Variants in ADCY5 observed in about 807,000 individuals in gnomAD.
ADCY5 encodes adenylate cyclase type 5.
ADCY5 carries 30 observed loss-of-function variants against 119.7 expected under a neutral mutation model. That is an observed-to-expected ratio of 0.25 (90% confidence interval 0.19 to 0.34). The LOEUF is 0.34. Among genes scored for constraint, ADCY5 ranks in the 10% least tolerant of loss-of-function variants. ADCY5 has a pLI of 1.00. For missense variants in ADCY5, 1,324 were observed against 1,775.2 expected, an observed-to-expected ratio of 0.75 and a Z score of 4.57; for synonymous variants, 753 against 762.2, an observed-to-expected ratio of 0.99 and a Z score of 0.20.
chr3:123,359,694 C>T (rs999633051), intron 1 of ADCY5, among the ~76,000 whole-genome samples: 8 of 152,200 alleles, frequency 5.3e-5, no homozygotes, highest in African/African-American at 1.9e-4. Context: ...AGAACCAGCT[C>T]CCCAAGCTCT....
At position 123,407,824 on chromosome 3, in the gene ADCY5, T is replaced by C. The variant is rs1344003817; in HGVS notation, c.1134+39588A>G. ...AGACACAAAAAGATACATATTGTTA[T>C]GATTCCACTTATAGGACATATCCAG... is the stretch of plus-strand genomic sequence containing the variant. On this transcript the variant is annotated intron_variant, in intron 1 of 20. Coordinates refer to ENST00000462833, the MANE Select transcript of ADCY5 (RefSeq NM_183357.3). Among the ~76,000 whole-genome samples the C allele has an allele frequency of 4.0e-5, 5 of 125,284 alleles. No individual in the cohort carries two copies. The East Asian group carries it at 7.7e-4, about 19-fold the overall frequency. The allele number at this position is 125,284 out of a possible 152,430, so 82.2% of individuals were successfully genotyped here.
At chr3:123,370,359 G>A (rs1943593903) in intron 1 of ADCY5, among the ~76,000 whole-genome samples, 1 of 152,184 alleles carries the variant, frequency 6.6e-6, no homozygotes, top group East Asian at 1.9e-4. Flanking sequence ...GTTCTTCCCA[G>A]GCAATACACA....
chr3:123,338,595 C>T (rs1942133502), intron 3 of ADCY5, among the ~76,000 whole-genome samples: 2 of 152,236 alleles, frequency 1.3e-5, no homozygotes, highest in Non-Finnish European at 2.9e-5. Context: ...TCTGAGAGCT[C>T]CTCTTGGGAA....
At chr3:123,357,895 A>G (rs1943094665) in intron 1 of ADCY5, among the ~76,000 whole-genome samples, 3 of 152,310 alleles carry the variant, frequency 2.0e-5, no homozygotes, top group Admixed American at 2.0e-4. Context: ...CCTTGGGGAC[A>G]AGGAAGGTAT....
intron 1 of ADCY5, among the ~76,000 whole-genome samples, chr3:123,443,766 C>T (rs1945763499): frequency 6.6e-6 from 1 of 152,210 alleles, no homozygotes; most frequent in Non-Finnish European, 1.5e-5. Flanking sequence ...CCCCCAAGCT[C>T]ACGGGGACCC....
At position 123,347,800 on chromosome 3, in the gene ADCY5, T is replaced by C; in HGVS notation, c.1388A>G (p.Gln463Arg). ...EDMMFHKIYI[Q>R]KHDNVSILFA... ...CCCCTACCTCACGTTGTCATGTTTC[T>C]GGATGTAAATCTTATGGAACATCAT... The change falls in exon 3 of 21, where the codon CAG becomes CGG. Residue 463 changes from glutamine (Q) to arginine (R), a missense_variant. Physicochemically the swap from Gln to Arg is conservative, Grantham distance 43. Transcript: ENST00000462833. 1 of 1,614,152 alleles carries C rather than the reference T, an allele frequency of 6.2e-7. No individual in the cohort carries two copies. The highest frequency in any genetic ancestry group is 8.5e-7 in the Non-Finnish European group (1 of 1,179,992).
intron 1 of ADCY5, among the ~76,000 whole-genome samples, chr3:123,364,843 C>T (rs542778570): frequency 5.9e-5 from 9 of 151,908 alleles, no homozygotes; most frequent in Non-Finnish European, 1.2e-4. Flanking sequence ...CTTTTACTTC[C>T]TTTTTAAAAA....
intron 1 of ADCY5, among the ~76,000 whole-genome samples, chr3:123,375,199 G>C (rs1169022923): frequency 1.3e-5 from 2 of 152,230 alleles, no homozygotes; most frequent in Non-Finnish European, 2.9e-5. Flanking sequence ...CTGCTGAGAA[G>C]TTCGACGTGG....
chr3:123,372,353 G>A (rs764079420), intron 1 of ADCY5, among the ~76,000 whole-genome samples: 2 of 152,264 alleles, frequency 1.3e-5, no homozygotes, highest in South Asian at 4.2e-4. Context: ...CAGGATGCAG[G>A]AAGATCCAGG....
At chr3:123,419,388 T>C (rs983378157) in intron 1 of ADCY5, among the ~76,000 whole-genome samples, 7 of 152,124 alleles carry the variant, frequency 4.6e-5, no homozygotes, top group African/African-American at 1.2e-4. Flanking sequence ...CCAACAGAAA[T>C]GTCTCTCCCT....
At chr3:123,292,696 T>C (rs1417152921) in intron 17 of ADCY5, among the ~76,000 whole-genome samples, 1 of 152,000 alleles carries the variant, frequency 6.6e-6, no homozygotes, top group African/African-American at 2.4e-5. Context: ...GGAACAGCTA[T>C]GCCCACGGGA....
At position 123,357,571 on chromosome 3, in the gene ADCY5, T is replaced by C. The variant is rs183781498; in HGVS notation, c.1135-4990A>G. 3.3e-3 allele frequency among the ~76,000 whole-genome samples: 495 copies of C among 152,248 alleles called. 5 individuals are homozygous for C. The highest frequency in any genetic ancestry group is 4.4e-3 in the Non-Finnish European group (296 of 68,018). ...AGCTTAGGGTGCCTTGGTGTTCATCTCTCTTTCACTAAACACAAAACCAGG... is the reference window on the plus strand; with the variant it reads ...AGCTTAGGGTGCCTTGGTGTTCATCCCTCTTTCACTAAACACAAAACCAGG... On this transcript the variant is annotated intron_variant, in intron 1 of 20. Transcript: ENST00000462833.
chr3:123,300,889 T>C (rs1229220538), intron 14 of ADCY5, among the ~76,000 whole-genome samples: 2 of 152,238 alleles, frequency 1.3e-5, no homozygotes, highest in Non-Finnish European at 2.9e-5. Context: ...GCAGACATGC[T>C]ACTACTGTGG....
At position 123,283,559 on chromosome 3, in the gene ADCY5, A is replaced by ATACCTTTCC. The variant is rs1271251132; in HGVS notation, c.*1048_*1049insGGAAAGGTA. On this transcript the variant is annotated 3_prime_UTR_variant, in exon 21 of 21. Coordinates refer to ENST00000462833, the MANE Select transcript of ADCY5 (RefSeq NM_183357.3). ...ACTTAATCTGAGCATATGGTACCCC[A>ATACCTTTCC]AAAGCACACACCCACTGCTCTGGTG... 6.6e-6 allele frequency: 1 copy of ATACCTTTCC among 152,212 alleles called. No individual in the cohort carries two copies. Among genetic ancestry groups the ATACCTTTCC allele is most frequent in the East Asian group, 1.9e-4 (1 of 5,196 alleles). 9.4% of individuals were successfully genotyped at this position (152,212 alleles called of 1,614,324 possible).
intron 1 of ADCY5, among the ~76,000 whole-genome samples, chr3:123,438,398 C>T (rs149551534): frequency 0.013 from 1,924 of 152,246 alleles, 22 homozygotes; most frequent in Admixed American, 0.022. Flanking sequence ...TTTTGCTTTC[C>T]GCGGTTTCAG....
intron 12 of ADCY5, among the ~76,000 whole-genome samples, chr3:123,308,350 T>G (rs1273151306): frequency 6.6e-6 from 1 of 151,838 alleles, no homozygotes; most frequent in Non-Finnish European, 1.5e-5. Context: ...CTCTACACTC[T>G]TTAAAAAGAC....
At chr3:123,381,219 T>C (rs1303639579) in intron 1 of ADCY5, among the ~76,000 whole-genome samples, 5 of 152,216 alleles carry the variant, frequency 3.3e-5, no homozygotes, top group Admixed American at 3.3e-4. Context: ...ATTTTCACTT[T>C]TCCCTTTTAT....
rs1281153147 is a variant in ADCY5 at position 123,291,681 on chromosome 3, GT to G, written c.3064-306del. ...GCCCCGAGCAGGAACAAGCCTGGAG[GT>G]GAGGCTGCAAGGATCCTGTCTGCCA... On this transcript the variant is annotated intron_variant, in intron 17 of 20. Transcript: ENST00000462833. Among the ~76,000 whole-genome samples, 10 of 152,192 alleles carry G rather than the reference GT, an allele frequency of 6.6e-5. 1 individual carries two copies. The highest frequency in any genetic ancestry group is 6.5e-4 in the Admixed American group (10 of 15,286).
chr3:123,301,157 C>T (rs1188374859), intron 14 of ADCY5, among the ~76,000 whole-genome samples: 9 of 152,084 alleles, frequency 5.9e-5, no homozygotes, highest in East Asian at 5.8e-4. Context: ...TCCCTAGGCA[C>T]GTCAGCATCA....
Sources: allele counts gnomAD v4.1 joint callset (sites outside exome capture counted in the v4.1 genomes callset), GRCh38; gene constraint gnomAD v4.1.1; transcripts MANE v1.5; gene names NCBI Gene and HGNC (gene_info 2026-07-23, HGNC 2026-07-21).